Variants in NAA50 observed in about 807,000 individuals in gnomAD.
NAA50 encodes N-alpha-acetyltransferase 50.
A neutral mutation model predicts 20.7 loss-of-function variants in NAA50; 7 were observed. That is an observed-to-expected ratio of 0.34 (90% CI 0.19 to 0.63). The LOEUF is 0.63. NAA50 is among the 30% of genes least tolerant of loss of function. The pLI is 0.75. For missense variants in NAA50, 111 were observed against 199.1 expected, an observed-to-expected ratio of 0.56 and a Z score of 2.66; for synonymous variants, 54 against 70.6, an observed-to-expected ratio of 0.77 and a Z score of 1.18.
intron 1 of NAA50, among the ~76,000 whole-genome samples, chr3:113,744,289 C>T (rs1325211320): frequency 6.6e-6 from 1 of 151,964 alleles, no homozygotes; most frequent in Non-Finnish European, 1.5e-5. Context: ...TAGTCAGACC[C>T]CCGTCTCTAC....
chr3:113,724,666 A>C (rs1309203148), intron 1 of NAA50: 1 of 152,136 alleles, frequency 6.6e-6, no homozygotes, highest in Non-Finnish European at 1.5e-5. Flanking sequence ...CCAGGATGAA[A>C]ACTATCCATT....
intron 4 of NAA50, 38 bp downstream of exon 4, chr3:113,722,868 A>C (rs1708154006): frequency 6.7e-7 from 1 of 1,484,416 alleles, no homozygotes; most frequent in South Asian, 1.3e-5. Flanking sequence ...TGCCAATTAA[A>C]CCCCTTTGAT....
chr3:113,746,002 C>T lies in NAA50; in HGVS notation c.-53G>A. The T allele has an allele frequency of 6.2e-7, 1 of 1,604,086 alleles. No individual in the cohort carries two copies. The highest frequency in any genetic ancestry group is 1.1e-5 in the South Asian group (1 of 90,628). ...CCACCGATATCAACGCCGTCGTAGT[C>T]GCCGCCCTTAGGTCTCCGCACCCTT... On this transcript the variant is annotated 5_prime_UTR_variant, in exon 1 of 5. Transcript: ENST00000240922.
rs1422064293 is a variant in NAA50, at chr3:113,720,207, T to C, written c.*1553A>G. The C allele has an allele frequency of 1.3e-5, 2 of 152,620 alleles. No individual in the cohort carries two copies. The highest frequency in any genetic ancestry group is 4.8e-5 in the African/African-American group (2 of 41,478). 9.5% of individuals were successfully genotyped at this position (152,620 alleles called of 1,614,324 possible). On this transcript the variant is annotated 3_prime_UTR_variant, in exon 5 of 5. Coordinates refer to ENST00000240922, the MANE Select transcript of NAA50 (RefSeq NM_025146.4). ...ATTCTCAAATAAAAACTTAAGGTTA[T>C]AAAGTGTGCATAAACATTTTATAAA... is the stretch of plus-strand genomic sequence containing the variant.
chr3:113,738,513 T>C (rs1479648447), intron 1 of NAA50, among the ~76,000 whole-genome samples: 1 of 152,250 alleles, frequency 6.6e-6, no homozygotes, highest in Non-Finnish European at 1.5e-5. Flanking sequence ...TTAATCTCTG[T>C]TAATTCTGCT....
At chr3:113,744,016 A>G (rs147132704) in intron 1 of NAA50, among the ~76,000 whole-genome samples, 1 of 152,292 alleles carries the variant, frequency 6.6e-6, no homozygotes, top group Non-Finnish European at 1.5e-5. Context: ...CATACAGAAT[A>G]ATTTCCTGGC....
intron 1 of NAA50, among the ~76,000 whole-genome samples, chr3:113,739,011 T>TA (rs1708379053): frequency 6.6e-6 from 1 of 152,148 alleles, no homozygotes; most frequent in South Asian, 2.1e-4. Context: ...GGGTAAGTTA[T>TA]AAACAACTTA....
At chr3:113,741,055 G>C (rs1391307195) in intron 1 of NAA50, 1 of 496,618 alleles carries the variant, frequency 2.0e-6, no homozygotes, top group African/African-American at 2.0e-5. Context: ...CTGAGAATCT[G>C]AACTGAACAA....
At chr3:113,725,846 T>G (rs1708192408) in intron 1 of NAA50, among the ~76,000 whole-genome samples, 1 of 152,162 alleles carries the variant, frequency 6.6e-6, no homozygotes, top group Non-Finnish European at 1.5e-5. Context: ...TGATGTAATA[T>G]TTTATCTTAT....
chr3:113,721,847 C>T lies in NAA50; in HGVS notation c.423G>A (p.Arg141=), dbSNP rs746466382. The T allele has an allele frequency of 1.2e-6, 2 of 1,613,932 alleles. No individual in the cohort carries two copies. Among genetic ancestry groups the T allele is most frequent in the Middle Eastern group, 1.6e-4 (1 of 6,062 alleles). ...IIETKKNYYK[R]IEPADAHVLQ... is the part of the protein sequence containing the mutation. ...GCACATGAGCATCTGCGGGCTCTAT[C>T]CTCTTATAGTAGTTCTTCTTTGTCT... The change falls in exon 5 of 5, where the codon AGG becomes AGA. Residue 141 remains arginine (R), a synonymous_variant. Coordinates refer to ENST00000240922, the MANE Select transcript of NAA50 (RefSeq NM_025146.4).
At chr3:113,730,938 C>T (rs945435629) in intron 1 of NAA50, among the ~76,000 whole-genome samples, 1 of 152,078 alleles carries the variant, frequency 6.6e-6, no homozygotes, top group Non-Finnish European at 1.5e-5. Context: ...TAGTAAATAC[C>T]TAGGAGTGGG....
chr3:113,733,853 C>CAAAAAAAAAAAAAAA (rs58431115), intron 1 of NAA50, among the ~76,000 whole-genome samples: 15 of 68,486 alleles, frequency 2.2e-4, no homozygotes, highest in African/African-American at 9.2e-4. Context: ...ACTCTGTCTC[C>CAAAAAAAAAAAAAAA]AAAAAAAAAA....
At chr3:113,728,061 T>C (rs1708222239) in intron 1 of NAA50, among the ~76,000 whole-genome samples, 1 of 146,178 alleles carries the variant, frequency 6.8e-6, no homozygotes, top group Non-Finnish European at 1.5e-5. Context: ...AAATATAAGT[T>C]AGCAAGGAAC....
intron 1 of NAA50, among the ~76,000 whole-genome samples, chr3:113,729,585 C>A (rs1708245387): frequency 6.6e-6 from 1 of 151,480 alleles, no homozygotes; most frequent in South Asian, 2.1e-4. Context: ...ACTCTGTTGC[C>A]CAGGCTAGAG....
rs186685139 is a variant in NAA50, at chr3:113,730,102, C to T, written c.9-6007G>A. ...ATCACTTGAAGCCAGGAGTTCAACA[C>T]TGGCCTGGCCAACATGGTGAAACCC... On this transcript the variant is annotated intron_variant, in intron 1 of 4. Coordinates refer to ENST00000240922, the MANE Select transcript of NAA50 (RefSeq NM_025146.4). Among the ~76,000 whole-genome samples the T allele has an allele frequency of 1.1e-4, 17 of 152,186 alleles. No homozygotes were observed. In the East Asian group the frequency reaches 3.1e-3, roughly 28 times the overall value.
intron 1 of NAA50, chr3:113,740,899 A>C: frequency 2.2e-6 from 1 of 461,868 alleles, no homozygotes; most frequent in South Asian, 1.8e-5. Flanking sequence ...ACTATGCTAG[A>C]GTTTTCAATG....
intron 1 of NAA50, among the ~76,000 whole-genome samples, chr3:113,741,443 G>A (rs1708413930): frequency 6.6e-6 from 1 of 150,796 alleles, no homozygotes; most frequent in African/African-American, 2.4e-5. Flanking sequence ...GTTACTACTG[G>A]TATTCTATTG....
intron 1 of NAA50, among the ~76,000 whole-genome samples, chr3:113,733,565 TTAAAGGCCAGGCATGGTGGCTCA>T (rs778857410): frequency 2.0e-3 from 297 of 152,070 alleles, no homozygotes; most frequent in Non-Finnish European, 3.4e-3. Context: ...ATTAAAGATA[TTAAAGGCCAGGCATGGTGGCTCA>T]TGCCTGTAAT....
intron 1 of NAA50, among the ~76,000 whole-genome samples, chr3:113,745,243 A>G (rs116389844): frequency 1.3e-5 from 2 of 152,222 alleles, no homozygotes; most frequent in Non-Finnish European, 2.9e-5. Flanking sequence ...TGAAAGGAGC[A>G]GCGTGGTAGA....
Sources: gnomAD v4.1 joint callset for allele counts (sites outside exome capture counted in the v4.1 genomes callset) on GRCh38, gnomAD v4.1.1 for gene constraint, MANE v1.5 for transcripts, NCBI Gene and HGNC (gene_info 2026-07-23, HGNC 2026-07-21) for gene names.